Variants in PLG observed in about 807,000 individuals in gnomAD.
PLG encodes plasmin.
Under a neutral mutation model 104.4 loss-of-function variants are expected in PLG, and 41 were observed. That is an observed-to-expected ratio of 0.39 (90% CI 0.31 to 0.51). The LOEUF (loss-of-function observed/expected upper bound fraction) is 0.51. Among genes scored for constraint, PLG ranks in the 20% least tolerant of loss-of-function variants. The pLI is 0.76. For missense variants in PLG, 891 were observed against 1,003.6 expected (o/e 0.89, Z 1.52); for synonymous variants, 337 against 357.1 (o/e 0.94, Z 0.63).
In PLG at chr6:160,718,613, C is replaced by T. The variant is rs1246379060; in HGVS notation, c.951-80C>T. ...AAATGAACTTTAGCACGTTTTTTCC[C>T]GTAACGGTTGTTCTCAAAGCGTGGT... On this transcript the variant is annotated intron_variant, in intron 8 of 18. Transcript: ENST00000308192. 3.4e-6 allele frequency: 5 copies of T among 1,487,770 alleles called. No individual in the cohort carries two copies. The East Asian group carries it at 6.8e-5, about 20-fold the overall frequency. The allele number at this position is 1,487,770 out of a possible 1,614,324, so 92.2% of individuals were successfully genotyped here.
chr6:160,737,350 A>T lies in PLG; in HGVS notation c.1802+343A>T, dbSNP rs2115178594. ...ATCCATTGTCTCATTGTCAGATGAA[A>T]AGAGGGGGAAGTTTTTAGAAATGTG... is the stretch of plus-strand genomic sequence containing the variant. On this transcript the variant is annotated intron_variant, in intron 14 of 18. Coordinates refer to ENST00000308192, the MANE Select transcript of PLG (RefSeq NM_000301.5). This position sits in a 1 kb window ranked among gnomAD's most constrained non-coding sequence, Gnocchi z 4.7. 6.6e-6 allele frequency among the ~76,000 whole-genome samples: 1 copy of T among 152,282 alleles called. No homozygotes were observed. Among genetic ancestry groups the T allele is most frequent in the Admixed American group, 6.5e-5 (1 of 15,304 alleles).
rs1777907252 is a variant in PLG, at chr6:160,725,430, G to A, written c.1256+2863G>A. 6.6e-6 allele frequency among the ~76,000 whole-genome samples: 1 copy of A among 151,894 alleles called. No individual in the cohort carries two copies. The highest frequency in any genetic ancestry group is 1.5e-5 in the Non-Finnish European group (1 of 68,006). The stretch of plus-strand genomic sequence containing the variant: ...ATGGTTGAAGGTGGTAAGTTAAAGA[G>A]GGTTATTGCAAATCCTAGAACAACT... On this transcript the variant is annotated intron_variant, in intron 10 of 18. Coordinates refer to ENST00000308192, the MANE Select transcript of PLG (RefSeq NM_000301.5). This position sits in a 1 kb window ranked among gnomAD's most constrained non-coding sequence, Gnocchi z 6.3.
At chr6:160,729,963 C>A (rs956614054) in intron 10 of PLG, among the ~76,000 whole-genome samples, 2 of 152,200 alleles carry the variant, frequency 1.3e-5, no homozygotes, top group African/African-American at 2.4e-5. Flanking sequence ...AGACTATGAA[C>A]TTCCTCAAAT....
chr6:160,716,597 C>T, intron 6 of PLG, 48 bp from the exon 7 acceptor site: 1 of 1,080,410 alleles, frequency 9.3e-7, no homozygotes, highest in Middle Eastern at 2.0e-4. Flanking sequence ...GAGTCTTATC[C>T]ATGAATGTAA....
intron 17 of PLG, among the ~76,000 whole-genome samples, chr6:160,748,401 G>GAAAGAAAGAAA (rs1562383473): frequency 1.4e-5 from 1 of 71,040 alleles, no homozygotes; most frequent in East Asian, 5.8e-4. Flanking sequence ...AGAAAGAAAG[G>GAAAGAAAGAAA]AAGAAAGAAA....
chr6:160,705,171 C>T (rs561038121), intron 1 of PLG, among the ~76,000 whole-genome samples: 1 of 152,162 alleles, frequency 6.6e-6, no homozygotes, highest in Non-Finnish European at 1.5e-5. Context: ...CCTCTTTTGG[C>T]CTCTCACCCT....
intron 17 of PLG, among the ~76,000 whole-genome samples, chr6:160,748,459 G>GGGAA (rs1464091081): frequency 1.4e-5 from 2 of 142,828 alleles, no homozygotes; most frequent in Non-Finnish European, 3.1e-5. Flanking sequence ...GAGGGAGGGA[G>GGGAA]GGAGGGAGGG....
chr6:160,702,924 T>A (rs1474929083), intron 1 of PLG, among the ~76,000 whole-genome samples: 4 of 125,174 alleles, frequency 3.2e-5, no homozygotes, highest in African/African-American at 1.1e-4. Flanking sequence ...GTGCAGATAG[T>A]GATCAACAAA....
rs1214074015 is a variant in PLG, at chr6:160,736,670, T to C, written c.1682-217T>C. Among the ~76,000 whole-genome samples the C allele has an allele frequency of 6.6e-6, 1 of 152,188 alleles. No homozygotes were observed. The highest frequency in any genetic ancestry group is 2.4e-5 in the African/African-American group (1 of 41,446). ...CTGTTTGATCACTTCTCCAACAAAA[T>C]AATTACAAAGTGCTTATATTTTCTT... On this transcript the variant is annotated intron_variant, in intron 13 of 18. Transcript: ENST00000308192. This position sits in a 1 kb window ranked among gnomAD's most constrained non-coding sequence, Gnocchi z 5.2.
rs969269207 is a variant in PLG, at chr6:160,734,418, G to A, written c.1681+330G>A. Among the ~76,000 whole-genome samples the A allele has an allele frequency of 5.3e-5, 8 of 152,102 alleles. No individual in the cohort carries two copies. Among genetic ancestry groups the A allele is most frequent in the East Asian group, 1.9e-4 (1 of 5,184 alleles). On this transcript the variant is annotated intron_variant, in intron 13 of 18. Coordinates refer to ENST00000308192, the MANE Select transcript of PLG (RefSeq NM_000301.5). This position sits in a 1 kb window ranked among gnomAD's most constrained non-coding sequence, Gnocchi z 4.4. The stretch of plus-strand genomic sequence containing the variant: ...ATGCATGAAAAATTTAGAGTCATTC[G>A]GATGAAAAACTTTCCCTTTCCACAG...
intron 17 of PLG, among the ~76,000 whole-genome samples, chr6:160,748,690 A>G (rs1248081551): frequency 6.6e-6 from 1 of 152,238 alleles, no homozygotes; most frequent in South Asian, 2.1e-4. Context: ...AAGTTGGATT[A>G]AGCAAAAAAG....
chr6:160,733,916 T>G, intron 12 of PLG, 79 bp from the exon 13 acceptor site: 1 of 752,256 alleles, frequency 1.3e-6, no homozygotes, highest in Non-Finnish European at 2.5e-6. Flanking sequence ...AGGATAGACA[T>G]GAAATGCGTG....
rs780661921 is a variant in PLG at position 160,723,362 on chromosome 6, A to G, written c.1256+795A>G. Reference sequence around the variant, plus strand: ...CAGCTTTTCTTCCATAAATGAGTACACAATATATGGAAAAAACTATTTTTA... The same window carrying G: ...CAGCTTTTCTTCCATAAATGAGTACGCAATATATGGAAAAAACTATTTTTA... On this transcript the variant is annotated intron_variant, in intron 10 of 18. Transcript: ENST00000308192. This position sits in a 1 kb window ranked among gnomAD's most constrained non-coding sequence, Gnocchi z 4.7. 1.3e-5 allele frequency among the ~76,000 whole-genome samples: 2 copies of G among 152,184 alleles called. No homozygotes were observed. Among genetic ancestry groups the G allele is most frequent in the Non-Finnish European group, 2.9e-5 (2 of 68,040 alleles).
intron 3 of PLG, among the ~76,000 whole-genome samples, chr6:160,710,456 G>A (rs3905578): frequency 5.9e-5 from 9 of 152,106 alleles, no homozygotes; most frequent in South Asian, 4.2e-4. Context: ...GGTGGGCACC[G>A]GACTGTTTTA....
chr6:160,741,504 A>T lies in PLG; in HGVS notation c.2125+87A>T. 1 of 878,662 alleles carries T rather than the reference A, an allele frequency of 1.1e-6. No homozygotes were observed. The highest frequency in any genetic ancestry group is 1.4e-5 in the South Asian group (1 of 73,074). 54.4% of individuals were successfully genotyped at this position (878,662 alleles called of 1,614,324 possible). A position where few individuals can be genotyped will look rare whatever the true frequency, so the allele number is the denominator to read the frequency against. On this transcript the variant is annotated intron_variant, in intron 17 of 18. Transcript: ENST00000308192. This position sits in a 1 kb window ranked among gnomAD's most constrained non-coding sequence, Gnocchi z 4.7. ...ATGATCATTTTGGAGAAAGCTGTGC[A>T]AATTCCTATCCATGAATGTGGTCCA...
In PLG at chr6:160,725,651, T is replaced by G. The variant is rs527515204; in HGVS notation, c.1256+3084T>G. ...TATTAAATATAAAGGGATTAAACAT[T>G]GCACAGAAAAGGCAGAGATTATTAA... On this transcript the variant is annotated intron_variant, in intron 10 of 18. Transcript: ENST00000308192. This position sits in a 1 kb window ranked among gnomAD's most constrained non-coding sequence, Gnocchi z 6.3. Among the ~76,000 whole-genome samples, 2 of 152,192 alleles carry G rather than the reference T, an allele frequency of 1.3e-5. No homozygotes were observed. The highest frequency in any genetic ancestry group is 4.1e-4 in the South Asian group (2 of 4,820).
At position 160,753,011 on chromosome 6, in the gene PLG, C is replaced by T; in HGVS notation, c.2383C>T (p.Arg795Cys). 1.9e-6 allele frequency: 3 copies of T among 1,600,310 alleles called. No homozygotes were observed. The highest frequency in any genetic ancestry group is 2.6e-6 in the Non-Finnish European group (3 of 1,168,362). ...CCCCAATAAGCCTGGTGTCTATGTT[C>T]GTGTTTCAAGGTTTGTTACTTGGAT... is the stretch of plus-strand genomic sequence containing the variant. The part of the protein sequence containing the change: ...ARPNKPGVYV[R>C]VSRFVTWIEG... Residue 795 changes from arginine (R) to cysteine (C), a missense_variant, in exon 19 of 19, where the codon CGT becomes TGT. Physicochemically the swap from Arg to Cys is radical, Grantham distance 180. Around this residue, in one of 2 missense-constraint regions of PLG, gnomAD observed 37 missense variants for 71.5 expected, o/e 0.52. Coordinates refer to ENST00000308192, the MANE Select transcript of PLG (RefSeq NM_000301.5). This position sits in a 1 kb window ranked among gnomAD's most constrained non-coding sequence, Gnocchi z 5.4.
rs1582933460 is a variant in PLG at position 160,711,305 on chromosome 6, C to A, written c.407+114C>A. 4 of 985,122 alleles carry A rather than the reference C, an allele frequency of 4.1e-6. No homozygotes were observed. In the East Asian group the frequency reaches 7.8e-5, roughly 19 times the overall value. 61.0% of individuals were successfully genotyped at this position (985,122 alleles called of 1,614,324 possible). On this transcript the variant is annotated intron_variant, in intron 4 of 18. Coordinates refer to ENST00000308192, the MANE Select transcript of PLG (RefSeq NM_000301.5). The stretch of plus-strand genomic sequence containing the variant: ...TACCAAAATCCATGCTTCTCAAGTC[C>A]CTTATATAAAATGGTGCAGTATTTG...
In PLG at chr6:160,714,883, AGCCCACAC is replaced by A; in HGVS notation, c.640_647del (p.Pro214SerfsTer20). On this transcript the variant is annotated frameshift_variant, in exon 6 of 19. Coordinates refer to ENST00000308192, the MANE Select transcript of PLG (RefSeq NM_000301.5). LOFTEE classifies it high-confidence loss of function. The stretch of plus-strand genomic sequence containing the variant: ...GGAATGCCAGGCCTGGGACTCTCAG[AGCCCACAC>A]GCTCATGGATACATTCCTTCCAAGT... 1 of 1,613,888 alleles carries A rather than the reference AGCCCACAC, an allele frequency of 6.2e-7. No individual in the cohort carries two copies. Among genetic ancestry groups the A allele is most frequent in the East Asian group, 2.2e-5 (1 of 44,874 alleles).
Sources: gnomAD v4.1 joint callset for allele counts (sites outside exome capture counted in the v4.1 genomes callset) on GRCh38, gnomAD v4.1.1 for gene constraint, gnomAD v4.1.1 regional missense constraint, Gnocchi (gnomAD v3.1) non-coding constraint, MANE v1.5 for transcripts, NCBI Gene and HGNC (gene_info 2026-07-23, HGNC 2026-07-21) for gene names.